The following ITGA8 variants were observed in gnomAD, a reference collection of about 807,000 sequenced individuals.
ITGA8 encodes the protein integrin alpha-8.
In ITGA8, 91 loss-of-function variants were observed where a neutral mutation model predicts 142.3. The ratio of observed to expected loss-of-function variants is 0.64; its 90% CI spans 0.54 to 0.76. ITGA8 has a LOEUF of 0.76. ITGA8 is among the 30% of genes least tolerant of loss of function. ITGA8 has a pLI of 0.00. For missense variants in ITGA8, 1,406 were observed against 1,327.7 expected (o/e 1.06, Z -0.92); for synonymous variants, 505 against 485.2 (o/e 1.04, Z -0.54).
chr10:15,678,707 A>C lies in ITGA8; in HGVS notation c.630+15T>G. On this transcript the variant is annotated intron_variant, in intron 5 of 29. Coordinates refer to ENST00000378076, the MANE Select transcript of ITGA8 (RefSeq NM_003638.3). The stretch of plus-strand genomic sequence containing the variant: ...CAGATTAAATATTAGGAACTGCGAG[A>C]CCAAAATAATTCACCTTATAAAAAT... 6.3e-7 allele frequency: 1 copy of C among 1,594,248 alleles called. No homozygotes were observed. Among genetic ancestry groups the C allele is most frequent in the Non-Finnish European group, 8.6e-7 (1 of 1,162,638 alleles).
intron 13 of ITGA8, among the ~76,000 whole-genome samples, chr10:15,628,120 C>T (rs553867939): frequency 6.6e-6 from 1 of 152,092 alleles, no homozygotes; most frequent in South Asian, 2.1e-4. Context: ...GAGGAACCCT[C>T]AGTTCTCGGA....
rs1832940127 is a variant in ITGA8 at position 15,515,069 on chromosome 10, A to C, written c.*2089T>G. 1 of 152,158 alleles carries C rather than the reference A, an allele frequency of 6.6e-6. No individual in the cohort carries two copies. Among genetic ancestry groups the C allele is most frequent in the Non-Finnish European group, 1.5e-5 (1 of 68,058 alleles). 9.4% of individuals were successfully genotyped at this position (152,158 alleles called of 1,614,324 possible). A position where few individuals can be genotyped will look rare whatever the true frequency, so the allele number is the denominator to read the frequency against. ...CCTTTTAGGACCCCAAATCCCAAGG[A>C]GCTAATCTCTATTGGTCACAGATCA... On this transcript the variant is annotated 3_prime_UTR_variant, in exon 30 of 30. Coordinates refer to ENST00000378076, the MANE Select transcript of ITGA8 (RefSeq NM_003638.3).
intron 23 of ITGA8, among the ~76,000 whole-genome samples, chr10:15,579,502 A>T (rs1834363188): frequency 6.6e-6 from 1 of 152,116 alleles, no homozygotes; most frequent in African/African-American, 2.4e-5. Flanking sequence ...TTTATTTTGG[A>T]ATTAAGAACC....
chr10:15,527,908 T>C (rs1823711410), intron 28 of ITGA8, among the ~76,000 whole-genome samples: 2 of 57,050 alleles, frequency 3.5e-5, no homozygotes, highest in South Asian at 8.5e-4. Flanking sequence ...CGGCTGGGCT[T>C]TTTTTTTTTT....
chr10:15,700,603 A>G (rs1386695293), intron 2 of ITGA8, among the ~76,000 whole-genome samples: 1 of 152,230 alleles, frequency 6.6e-6, no homozygotes, highest in Non-Finnish European at 1.5e-5. Context: ...TGCACAGCAG[A>G]AGAAATAATC....
intron 13 of ITGA8, among the ~76,000 whole-genome samples, chr10:15,634,628 G>A (rs1487000957): frequency 1.3e-5 from 2 of 152,160 alleles, no homozygotes. Context: ...CATACTTGCT[G>A]GGTATATGGA....
rs1833643368 is a variant in ITGA8 at position 15,545,102 on chromosome 10, T to C, written c.2880+3353A>G. On this transcript the variant is annotated intron_variant, in intron 27 of 29. Transcript: ENST00000378076. The stretch of plus-strand genomic sequence containing the variant: ...GTGACAGGATGAATGTCTACGGTTT[T>C]AAGCTGCTAGGTTTTGGGGAAATTT... Among the ~76,000 whole-genome samples, 3 of 152,204 alleles carry C rather than the reference T, an allele frequency of 2.0e-5. No homozygotes were observed. The South Asian group carries it at 6.2e-4, about 32-fold the overall frequency.
chr10:15,672,401 A>T (rs1834540788), intron 7 of ITGA8, among the ~76,000 whole-genome samples: 1 of 152,202 alleles, frequency 6.6e-6, no homozygotes, highest in South Asian at 2.1e-4. Flanking sequence ...TGTGCAAAAA[A>T]CTGCTATGGA....
chr10:15,712,447 C>A (rs993740679), intron 2 of ITGA8, among the ~76,000 whole-genome samples: 51 of 151,990 alleles, frequency 3.4e-4, no homozygotes, highest in African/African-American at 1.2e-3. Context: ...CAAAAAATCA[C>A]ACAACTAGCT....
intron 15 of ITGA8, among the ~76,000 whole-genome samples, chr10:15,609,814 C>T (rs1358253113): frequency 6.6e-6 from 1 of 152,050 alleles, no homozygotes; most frequent in African/African-American, 2.4e-5. Flanking sequence ...AAATAAATTC[C>T]TATTTGTAAT....
At chr10:15,552,572 A>G (rs59973474) in intron 26 of ITGA8, among the ~76,000 whole-genome samples, 8,387 of 152,278 alleles carry the variant, frequency 0.055, 749 homozygotes, top group African/African-American at 0.19. Context: ...TCTGGGATAC[A>G]TGTACAGAAT....
chr10:15,694,631 A>G (rs895309006), intron 2 of ITGA8, among the ~76,000 whole-genome samples: 1 of 135,202 alleles, frequency 7.4e-6, no homozygotes, highest in Non-Finnish European at 1.6e-5. Context: ...ATTTATTAAT[A>G]TATTTATATA....
At position 15,516,992 on chromosome 10, in the gene ITGA8, C is replaced by T; in HGVS notation, c.*166G>A. On this transcript the variant is annotated 3_prime_UTR_variant, in exon 30 of 30. Transcript: ENST00000378076. ...AACAGGGCTCACTGGGCACCCAGGA[C>T]AATTTCTCCAAAGTGCGGTGTAGAT... 2.0e-6 allele frequency: 1 copy of T among 489,684 alleles called. No individual in the cohort carries two copies. Among genetic ancestry groups the T allele is most frequent in the South Asian group, 2.7e-5 (1 of 37,276 alleles). The allele number at this position is 489,684 out of a possible 1,614,324, so 30.3% of individuals were successfully genotyped here.
intron 26 of ITGA8, among the ~76,000 whole-genome samples, chr10:15,550,456 G>A (rs1833774294): frequency 6.6e-6 from 1 of 152,174 alleles, no homozygotes; most frequent in South Asian, 2.1e-4. Context: ...AGAGGGAAGA[G>A]GGGTGTCAAG....
chr10:15,618,600 C>G (rs1416107840), intron 13 of ITGA8, among the ~76,000 whole-genome samples: 2 of 152,096 alleles, frequency 1.3e-5, no homozygotes, highest in Non-Finnish European at 2.9e-5. Context: ...TGGGAAAGGC[C>G]GACCCACCCT....
chr10:15,666,126 A>C (rs1020485860), intron 8 of ITGA8, among the ~76,000 whole-genome samples: 3 of 152,080 alleles, frequency 2.0e-5, no homozygotes, highest in Non-Finnish European at 2.9e-5. Flanking sequence ...CCATTTTCAA[A>C]ATATTGATTC....
chr10:15,604,984 C>A (rs113727527), intron 19 of ITGA8, among the ~76,000 whole-genome samples: 1 of 152,096 alleles, frequency 6.6e-6, no homozygotes, highest in African/African-American at 2.4e-5. Flanking sequence ...CACTTTTTAA[C>A]CTTACTTAAA....
At chr10:15,639,767 C>T (rs959085961) in intron 13 of ITGA8, among the ~76,000 whole-genome samples, 1 of 152,298 alleles carries the variant, frequency 6.6e-6, no homozygotes, top group African/African-American at 2.4e-5. Context: ...GTGCTCCAGC[C>T]CAGAGTGGCT....
chr10:15,605,612 G>A (rs766022138), intron 19 of ITGA8, 112 bp downstream of exon 19: 80 of 847,052 alleles, frequency 9.4e-5, no homozygotes, highest in African/African-American at 1.7e-4. Flanking sequence ...AGAATTTCAC[G>A]CAGCATAGTT....
Sources: gnomAD v4.1 joint callset for allele counts (sites outside exome capture counted in the v4.1 genomes callset) on GRCh38, gnomAD v4.1.1 for gene constraint, MANE v1.5 for transcripts, NCBI Gene and HGNC (gene_info 2026-07-23, HGNC 2026-07-21) for gene names.